NCAM1: variants seen among roughly 807,000 people sequenced by gnomAD.
NCAM1 encodes the protein antigen recognized by monoclonal antibody 5.1H11.
NCAM1 carries 14 observed loss-of-function variants against 109.8 expected under a neutral mutation model. The observed-to-expected ratio is 0.13, with a 90% CI of 0.08 to 0.20. NCAM1 has a LOEUF of 0.20. Ranked by LOEUF, NCAM1 falls within the 10% of genes least tolerant of loss-of-function variation. The pLI, the probability that NCAM1 is intolerant of heterozygous loss-of-function variation, is 1.00. For synonymous variants in NCAM1, 418 were observed against 442.9 expected, an observed-to-expected ratio of 0.94 and a Z score of 0.70; for missense variants, 774 against 1,109.9, an observed-to-expected ratio of 0.70 and a Z score of 4.30.
At chr11:113,018,407 A>G (rs1240885877) in intron 1 of NCAM1, among the ~76,000 whole-genome samples, 1 of 152,128 alleles carries the variant, frequency 6.6e-6, no homozygotes, top group Non-Finnish European at 1.5e-5. Flanking sequence ...TCTCAGCAGT[A>G]TAACCTGTTG....
At chr11:113,202,315 T>G (rs1944087654) in intron 1 of NCAM1, 64 bp from the exon 2 acceptor site, 1 of 1,454,174 alleles carries the variant, frequency 6.9e-7, no homozygotes, top group South Asian at 1.3e-5. Flanking sequence ...AATGTACGTT[T>G]GAACTGAACT....
In NCAM1 at chr11:113,209,826, A is replaced by G. The variant is rs533588612; in HGVS notation, c.916+1824A>G. ...AAAATAGCAATATGCACAGTGTTTT[A>G]TAGGAAACAAGTTCTCTGGTCCTGT... On this transcript the variant is annotated intron_variant, in intron 7 of 19. Coordinates refer to ENST00000316851, the MANE Select transcript of NCAM1 (RefSeq NM_181351.5). Among the ~76,000 whole-genome samples, 28 of 152,358 alleles carry G rather than the reference A, an allele frequency of 1.8e-4. 1 individual carries two copies. The South Asian group carries it at 5.0e-3, about 27-fold the overall frequency.
intron 1 of NCAM1, among the ~76,000 whole-genome samples, chr11:113,022,916 T>G (rs558900781): frequency 2.0e-4 from 30 of 152,282 alleles, no homozygotes; most frequent in African/African-American, 6.7e-4. Flanking sequence ...AAGGATAATC[T>G]TTTCTTCCCT....
chr11:113,009,417 TG>T (rs1295217142), intron 1 of NCAM1, among the ~76,000 whole-genome samples: 1 of 148,072 alleles, frequency 6.8e-6, no homozygotes, highest in Non-Finnish European at 1.5e-5. Flanking sequence ...CTCAACGTCC[TG>T]GCCTCAGGTG....
intron 14 of NCAM1, among the ~76,000 whole-genome samples, chr11:113,238,898 T>G (rs181992105): frequency 7.9e-5 from 12 of 152,344 alleles, no homozygotes; most frequent in African/African-American, 2.9e-4. Flanking sequence ...AGGCAGGTGT[T>G]GCTGCCGGAC....
chr11:113,273,541 C>T lies in NCAM1; in HGVS notation c.2456+1665C>T. On this transcript the variant is annotated intron_variant, in intron 19 of 19. Transcript: ENST00000316851. This position sits in a 1 kb window ranked among gnomAD's most constrained non-coding sequence, Gnocchi z 6.0. ...GCCCTTGCTAGCCCGAAGAGCGAGG[C>T]TGCCTCCGTCAGCACCACAAACCCT... 2.7e-6 allele frequency: 1 copy of T among 365,586 alleles called. No homozygotes were observed. Among genetic ancestry groups the T allele is most frequent in the South Asian group, 2.0e-5 (1 of 50,960 alleles). 22.6% of individuals were successfully genotyped at this position (365,586 alleles called of 1,614,324 possible). A position where few individuals can be genotyped will look rare whatever the true frequency, so the allele number is the denominator to read the frequency against.
intron 1 of NCAM1, among the ~76,000 whole-genome samples, chr11:113,169,141 A>T (rs2136438914): frequency 6.6e-6 from 1 of 151,932 alleles, no homozygotes; most frequent in East Asian, 1.9e-4. Flanking sequence ...CAGCTTGGGA[A>T]ACCCAGGACA....
At chr11:113,097,840 C>G (rs782356847) in intron 1 of NCAM1, among the ~76,000 whole-genome samples, 2 of 151,996 alleles carry the variant, frequency 1.3e-5, no homozygotes, top group Admixed American at 6.6e-5. Context: ...TTTGTACAAG[C>G]TTTTGTGTTA....
At chr11:112,982,543 G>A (rs1591212279) in intron 1 of NCAM1, among the ~76,000 whole-genome samples, 2 of 151,820 alleles carry the variant, frequency 1.3e-5, no homozygotes, top group East Asian at 3.9e-4. Context: ...GGGGGTAGGA[G>A]GAGCTACTGT....
At chr11:113,129,734 A>G (rs1941318209) in intron 1 of NCAM1, among the ~76,000 whole-genome samples, 1 of 152,224 alleles carries the variant, frequency 6.6e-6, no homozygotes, top group African/African-American at 2.4e-5. Flanking sequence ...GTGGATTTCA[A>G]GATTTCTTAT....
chr11:113,161,036 T>C (rs2846916), intron 1 of NCAM1, among the ~76,000 whole-genome samples: 42,820 of 152,004 alleles, frequency 0.28, 6,417 homozygotes, highest in East Asian at 0.47. Context: ...GGAAGTTGGG[T>C]TCTGTCTTCA....
chr11:112,961,618 G>C lies in NCAM1; in HGVS notation c.6G>C (p.Leu2=). The change falls in exon 1 of 20, where the codon CTG becomes CTC. Residue 2 remains leucine, a synonymous_variant. Coordinates refer to ENST00000316851, the MANE Select transcript of NCAM1 (RefSeq NM_181351.5). M[L]QTKDLIWTLF... ...CTCCCAGCCAGCAGATTACAATGCT[G>C]CAAACTAAGGATCTCATCTGGACTT... The C allele has an allele frequency of 6.7e-7, 1 of 1,492,846 alleles. No homozygotes were observed. Among genetic ancestry groups the C allele is most frequent in the Non-Finnish European group, 9.3e-7 (1 of 1,072,998 alleles). 92.5% of individuals were successfully genotyped at this position (1,492,846 alleles called of 1,614,324 possible).
At chr11:113,053,496 A>G (rs550484127) in intron 1 of NCAM1, among the ~76,000 whole-genome samples, 15 of 152,292 alleles carry the variant, frequency 9.8e-5, no homozygotes, top group African/African-American at 3.4e-4. Flanking sequence ...TGTCTTCCAC[A>G]ATGGATGAAG....
chr11:113,103,207 C>G (rs1555091838), intron 1 of NCAM1, among the ~76,000 whole-genome samples: 2 of 152,156 alleles, frequency 1.3e-5, no homozygotes, highest in African/African-American at 2.4e-5. Context: ...TTGAATCATT[C>G]CTCCACCCTC....
chr11:113,138,290 G>A (rs1555099839), intron 1 of NCAM1, among the ~76,000 whole-genome samples: 1 of 152,234 alleles, frequency 6.6e-6, no homozygotes, highest in Non-Finnish European at 1.5e-5. Context: ...CAGCAGGTGG[G>A]AAGTTGAATT....
chr11:113,261,945 A>T (rs1555123443), intron 17 of NCAM1, among the ~76,000 whole-genome samples: 2 of 152,148 alleles, frequency 1.3e-5, no homozygotes, highest in Non-Finnish European at 2.9e-5. Context: ...TGCCTGCTGG[A>T]GATATCAGAA....
At chr11:113,147,867 G>T (rs1183326392) in intron 1 of NCAM1, among the ~76,000 whole-genome samples, 1 of 152,146 alleles carries the variant, frequency 6.6e-6, no homozygotes, top group East Asian at 1.9e-4. Context: ...AAAATGCACG[G>T]TTCAGAGGGT....
intron 1 of NCAM1, among the ~76,000 whole-genome samples, chr11:113,068,920 G>T (rs1317283757): frequency 1.3e-5 from 2 of 152,178 alleles, no homozygotes; most frequent in African/African-American, 4.8e-5. Flanking sequence ...GAGAGAAGGG[G>T]TATCTGGCTA....
chr11:113,164,654 G>C (rs1429600761), intron 1 of NCAM1, among the ~76,000 whole-genome samples: 1 of 152,158 alleles, frequency 6.6e-6, no homozygotes, highest in Non-Finnish European at 1.5e-5. Context: ...CAGATGAAAA[G>C]GTACTCAGGG....
Sources: gnomAD v4.1 joint callset for allele counts (sites outside exome capture counted in the v4.1 genomes callset) on GRCh38, gnomAD v4.1.1 for gene constraint, Gnocchi (gnomAD v3.1) non-coding constraint, MANE v1.5 for transcripts, NCBI Gene and HGNC (gene_info 2026-07-23, HGNC 2026-07-21) for gene names.